Variants in NAV1 observed in about 807,000 individuals in gnomAD.
NAV1 encodes pore membrane and/or filament interacting like protein 3.
NAV1 carries 18 observed loss-of-function variants against 175.2 expected under a neutral mutation model. The ratio of observed to expected loss-of-function variants is 0.10; its 90% CI spans 0.07 to 0.15. The LOEUF (loss-of-function observed/expected upper bound fraction) is 0.15. Among genes scored for constraint, NAV1 ranks in the 10% least tolerant of loss-of-function variants. NAV1 has a pLI of 1.00. For synonymous variants in NAV1, 897 were observed against 978.7 expected (o/e 0.92, Z 1.56); for missense variants, 1,731 against 2,436.6 (o/e 0.71, Z 6.10).
chr1:201,653,241 C>G (rs1012383443), intron 1 of NAV1, among the ~76,000 whole-genome samples: 1 of 152,194 alleles, frequency 6.6e-6, no homozygotes, highest in African/African-American at 2.4e-5. Flanking sequence ...TCTTTTGACA[C>G]TCCAGGTGTT....
intron 1 of NAV1, among the ~76,000 whole-genome samples, chr1:201,628,234 C>G (rs75778318): frequency 0.024 from 3,685 of 151,992 alleles, 140 homozygotes; most frequent in African/African-American, 0.082. Context: ...CCTGCTTTCT[C>G]TAACGACACC....
chr1:201,540,527 A>C (rs956651966), intron 1 of NAV1, among the ~76,000 whole-genome samples: 15 of 152,162 alleles, frequency 9.9e-5, no homozygotes, highest in African/African-American at 3.6e-4. Context: ...TCGCAAAAAG[A>C]ATGGCCTCCC....
intron 13 of NAV1, 192 bp from the exon 18 acceptor site, chr1:201,793,600 C>T: frequency 3.5e-6 from 2 of 567,022 alleles, no homozygotes; most frequent in South Asian, 2.1e-5. Context: ...GAAGCTGGTT[C>T]CCACCAGAAA....
At chr1:201,815,779 C>A (rs1678991120) in intron 28 of NAV1, among the ~76,000 whole-genome samples, 1 of 152,096 alleles carries the variant, frequency 6.6e-6, no homozygotes, top group Non-Finnish European at 1.5e-5. Flanking sequence ...ACTCTTGTTG[C>A]CCAGGCTGGA....
At chr1:201,824,722 A>G (rs1386434316) in exon 30 of NAV1, 2 of 152,070 alleles carry the variant, frequency 1.3e-5, no homozygotes, top group Non-Finnish European at 2.9e-5. Flanking sequence ...AAGGGTGGTC[A>G]TGGAAGTAAG....
rs534710132 is a variant in NAV1, at chr1:201,809,651, A to G, written c.4401+114A>G. The G allele has an allele frequency of 3.1e-6, 3 of 958,210 alleles. No individual in the cohort carries two copies. In the South Asian group the frequency reaches 4.6e-5, roughly 15 times the overall value. The allele number at this position is 958,210 out of a possible 1,614,324, so 59.4% of individuals were successfully genotyped here. A position where few individuals can be genotyped will look rare whatever the true frequency, so the allele number is the denominator to read the frequency against. On this transcript the variant is annotated intron_variant, in intron 22 of 29. Transcript: ENST00000367296. The stretch of plus-strand genomic sequence containing the variant: ...CAGGCTGGAGGGCAGTGGCGTGATC[A>G]CAGCTCACTGCAGCCTTGAACTCTT...
upstream of NAV1, among the ~76,000 whole-genome samples, chr1:201,645,172 C>G (rs1420827817): frequency 6.6e-6 from 1 of 152,008 alleles, no homozygotes. Context: ...CAACGATAGA[C>G]TGGATCAAGA....
In NAV1 at chr1:201,810,768, C is replaced by T; in HGVS notation, c.4797+10C>T. The T allele has an allele frequency of 6.2e-7, 1 of 1,605,322 alleles. No individual in the cohort carries two copies. Among genetic ancestry groups the T allele is most frequent in the Non-Finnish European group, 8.5e-7 (1 of 1,172,864 alleles). On this transcript the variant is annotated intron_variant, in intron 24 of 29. Coordinates refer to ENST00000367296, the Ensembl canonical transcript of NAV1. This position sits in a 1 kb window ranked among gnomAD's most constrained non-coding sequence, Gnocchi z 6.0. ...CCAGCAGTCTTGCAAGGTGGCTGCC[C>T]CCCGACACCCCTGCCAGCCTTTGTT...
chr1:201,738,445 C>G (rs575319697), intron 3 of NAV1, among the ~76,000 whole-genome samples: 9 of 152,158 alleles, frequency 5.9e-5, no homozygotes, highest in Non-Finnish European at 1.2e-4. Flanking sequence ...AGCTGCAGCC[C>G]CAGGTCAGTG....
chr1:201,602,651 GT>G (rs375268009), intron 2 of NAV1, among the ~76,000 whole-genome samples: 3,555 of 112,698 alleles, frequency 0.032, 160 homozygotes, highest in African/African-American at 0.1. Flanking sequence ...TTTTTTTTTG[GT>G]TTTTTTTTTT....
At position 201,579,133 on chromosome 1, in the gene NAV1, C is replaced by CA. The variant is rs796850977; in HGVS notation, c.-143-9393dup. Among the ~76,000 whole-genome samples, 1,189 of 141,380 alleles carry CA rather than the reference C, an allele frequency of 8.4e-3. 3 individuals are homozygous for CA. The highest frequency in any genetic ancestry group is 0.03 in the East Asian group (149 of 4,930). The allele number at this position is 141,380 out of a possible 152,430, so 92.8% of individuals were successfully genotyped here. ...GAGCGGCAAGAGCAAAACTCAGTCT[C>CA]AAAAAAAAAAAAATGTTCTGTCTTT... On this transcript the variant is annotated intron_variant, in intron 1 of 33. Transcript: ENST00000685211.
chr1:201,544,905 C>T (rs1665624613), intron 1 of NAV1, among the ~76,000 whole-genome samples: 1 of 152,176 alleles, frequency 6.6e-6, no homozygotes, highest in South Asian at 2.1e-4. Context: ...GACGTAATAG[C>T]AAGATTGTGG....
intron 17 of NAV1, among the ~76,000 whole-genome samples, chr1:201,806,349 G>C (rs886650774): frequency 6.6e-6 from 1 of 152,122 alleles, no homozygotes; most frequent in Non-Finnish European, 1.5e-5. Context: ...AAATAATCTT[G>C]TTTCATTTTG....
intron 1 of NAV1, among the ~76,000 whole-genome samples, chr1:201,626,615 A>C (rs55944621): frequency 0.03 from 4,508 of 152,254 alleles, 228 homozygotes; most frequent in African/African-American, 0.1. Flanking sequence ...CCTCTCTGCT[A>C]TCCTGGAAGA....
chr1:201,785,357 C>T lies in NAV1; in HGVS notation c.2846+6C>T, dbSNP rs528716807. The T allele has an allele frequency of 3.7e-5, 59 of 1,612,506 alleles. 1 individual carries two copies. In the Admixed American group the frequency reaches 8.2e-4, roughly 22 times the overall value. On this transcript the variant is annotated splice_donor_region_variant and intron_variant, in intron 8 of 29. Coordinates refer to ENST00000367296, the Ensembl canonical transcript of NAV1. ...CTTCCCAAGAAAGGGCTCAGGTAACCCTTTAATGTGTTTTTTCTTCCCTAT... is the reference window on the plus strand; with the variant it reads ...CTTCCCAAGAAAGGGCTCAGGTAACTCTTTAATGTGTTTTTTCTTCCCTAT...
At chr1:201,639,550 C>T (rs759697407) in intron 2 of NAV1, among the ~76,000 whole-genome samples, 22 of 152,120 alleles carry the variant, frequency 1.4e-4, no homozygotes, top group Admixed American at 3.3e-4. Context: ...AGCAAGTGTC[C>T]AGCCCTGAGA....
intron 2 of NAV1, among the ~76,000 whole-genome samples, chr1:201,597,657 A>G (rs1293382848): frequency 6.6e-6 from 1 of 152,248 alleles, no homozygotes; most frequent in Non-Finnish European, 1.5e-5. Context: ...CTGAGGGCCA[A>G]GCTGGGAGGA....
chr1:201,617,700 C>A (rs1273922505), intron 2 of NAV1, among the ~76,000 whole-genome samples: 1 of 152,158 alleles, frequency 6.6e-6, no homozygotes, highest in Non-Finnish European at 1.5e-5. Flanking sequence ...TGCTCTCCAG[C>A]CTGGGCCCTG....
intron 1 of NAV1, among the ~76,000 whole-genome samples, chr1:201,547,389 A>G (rs1665704740): frequency 6.6e-6 from 1 of 152,190 alleles, no homozygotes; most frequent in South Asian, 2.1e-4. Flanking sequence ...CAGATTTTCC[A>G]GTAGTTTCCC....
Sources: gnomAD v4.1 joint callset for allele counts (sites outside exome capture counted in the v4.1 genomes callset) on GRCh38, gnomAD v4.1.1 for gene constraint, Gnocchi (gnomAD v3.1) non-coding constraint, MANE v1.5 for transcripts, NCBI Gene and HGNC (gene_info 2026-07-23, HGNC 2026-07-21) for gene names.